Variants in LINGO2 observed in about 807,000 individuals in gnomAD.
The protein encoded by LINGO2 is leucine-rich repeat and immunoglobulin-like domain-containing nogo receptor-interacting protein 2.
A neutral mutation model predicts 30.6 loss-of-function variants in LINGO2; 14 were observed. That is an observed-to-expected ratio of 0.46 (90% CI 0.30 to 0.72). The LOEUF (loss-of-function observed/expected upper bound fraction) is 0.72. Ranked by LOEUF, LINGO2 falls within the 30% of genes least tolerant of loss-of-function variation. The pLI is 0.07. For missense variants in LINGO2, 729 were observed against 751.7 expected (o/e 0.97, Z 0.35); for synonymous variants, 317 against 288.5 (o/e 1.10, Z -1.00).
chr9:27,986,273 C>T (rs1821119755), intron 5 of LINGO2, among the ~76,000 whole-genome samples: 1 of 151,190 alleles, frequency 6.6e-6, no homozygotes, highest in Non-Finnish European at 1.5e-5. Flanking sequence ...ACACACAGAG[C>T]AGTTAATCTT....
At chr9:28,663,828 A>T (rs1255207468) in intron 1 of LINGO2, among the ~76,000 whole-genome samples, 2 of 152,106 alleles carry the variant, frequency 1.3e-5, no homozygotes, top group African/African-American at 4.8e-5. Context: ...CTGCTGAAAA[A>T]ATGCATAAGG....
intron 4 of LINGO2, among the ~76,000 whole-genome samples, chr9:28,218,715 C>T (rs10124465): frequency 0.85 from 129,130 of 151,962 alleles, 55,201 homozygotes; most frequent in Non-Finnish European, 0.9. Flanking sequence ...TTTGTACAAT[C>T]TCACAGCCCA....
chr9:28,712,203 C>T, the LINGO2 span, among the ~76,000 whole-genome samples: 1 of 152,182 alleles, frequency 6.6e-6, no homozygotes, highest in Non-Finnish European at 1.5e-5. Flanking sequence ...TCAGTAGTGA[C>T]ACATTTATAT....
chr9:28,395,003 C>G (rs1821982507), intron 2 of LINGO2, among the ~76,000 whole-genome samples: 1 of 152,208 alleles, frequency 6.6e-6, no homozygotes, highest in African/African-American at 2.4e-5. Flanking sequence ...CTCTCACATT[C>G]ATTAGATTAC....
chr9:29,102,125 A>G, the LINGO2 span, among the ~76,000 whole-genome samples: 1 of 149,276 alleles, frequency 6.7e-6, no homozygotes, highest in Non-Finnish European at 1.5e-5. Flanking sequence ...TCTGTCGCCC[A>G]GGTTGGAGAG....
At chr9:28,706,632 C>G in the LINGO2 span, among the ~76,000 whole-genome samples, 1 of 151,992 alleles carries the variant, frequency 6.6e-6, no homozygotes, top group East Asian at 1.9e-4. Context: ...CATATTTTTC[C>G]CTGAAATAGG....
chr9:28,978,317 A>T, the LINGO2 span, among the ~76,000 whole-genome samples: 1 of 152,126 alleles, frequency 6.6e-6, no homozygotes, highest in Non-Finnish European at 1.5e-5. Context: ...AACTGTAACT[A>T]AAAATAGTGC....
the LINGO2 span, among the ~76,000 whole-genome samples, chr9:28,948,322 TAA>T: frequency 3.9e-5 from 6 of 152,090 alleles, no homozygotes; most frequent in Non-Finnish European, 7.4e-5. Context: ...ATAAAAACCA[TAA>T]TACAATAATG....
At chr9:29,183,591 T>C in the LINGO2 span, among the ~76,000 whole-genome samples, 1 of 152,190 alleles carries the variant, frequency 6.6e-6, no homozygotes, top group East Asian at 1.9e-4. Context: ...TTTTCTCGGG[T>C]TCATTCATTC....
the LINGO2 span, among the ~76,000 whole-genome samples, chr9:28,685,386 G>C: frequency 1.3e-5 from 2 of 152,126 alleles, no homozygotes; most frequent in Admixed American, 6.5e-5. Flanking sequence ...GTTGACAGCT[G>C]TATTTATTAG....
chr9:28,688,943 C>A, the LINGO2 span, among the ~76,000 whole-genome samples: 4 of 152,076 alleles, frequency 2.6e-5, no homozygotes, highest in Non-Finnish European at 4.4e-5. Flanking sequence ...GCATGGCAGC[C>A]CCCCGATCCT....
At chr9:28,370,740 C>T (rs1458485351) in intron 3 of LINGO2, among the ~76,000 whole-genome samples, 5 of 152,160 alleles carry the variant, frequency 3.3e-5, no homozygotes, top group Non-Finnish European at 7.3e-5. Flanking sequence ...ATCCTCCATA[C>T]CAACCACCAC....
intron 4 of LINGO2, among the ~76,000 whole-genome samples, chr9:28,208,535 C>T (rs762638256): frequency 4.7e-4 from 72 of 151,914 alleles, no homozygotes; most frequent in Non-Finnish European, 4.6e-4. Flanking sequence ...GGGAGATAGA[C>T]TCATAGTTAA....
intron 5 of LINGO2, among the ~76,000 whole-genome samples, chr9:27,998,356 G>T (rs1363962075): frequency 2.0e-5 from 3 of 152,144 alleles, no homozygotes; most frequent in Non-Finnish European, 2.9e-5. Flanking sequence ...GTCTAAACTA[G>T]CCATGGGAAG....
At chr9:29,022,466 C>A in the LINGO2 span, among the ~76,000 whole-genome samples, 1 of 152,176 alleles carries the variant, frequency 6.6e-6, no homozygotes, top group Non-Finnish European at 1.5e-5. Flanking sequence ...GTTTTTATTA[C>A]ATTTCCTCTG....
chr9:28,330,250 T>C (rs752643927), intron 3 of LINGO2, among the ~76,000 whole-genome samples: 2 of 152,178 alleles, frequency 1.3e-5, no homozygotes, highest in African/African-American at 4.8e-5. Flanking sequence ...AATCTTGAAT[T>C]CCTCAGCCTC....
chr9:28,140,742 A>ATGC (rs1827648752), intron 4 of LINGO2, among the ~76,000 whole-genome samples: 1 of 152,138 alleles, frequency 6.6e-6, no homozygotes, highest in South Asian at 2.1e-4. Context: ...AGCAAACCAT[A>ATGC]TGCTAATTAC....
intron 1 of LINGO2, among the ~76,000 whole-genome samples, chr9:28,617,441 G>A (rs1176995565): frequency 2.6e-5 from 4 of 151,642 alleles, no homozygotes; most frequent in Admixed American, 1.3e-4. Context: ...GACTACAGGC[G>A]CCCACCACCA....
intron 4 of LINGO2, among the ~76,000 whole-genome samples, chr9:28,065,648 A>G (rs2133147613): frequency 6.6e-6 from 1 of 152,286 alleles, no homozygotes; most frequent in Non-Finnish European, 1.5e-5. Context: ...CTCCTCCATG[A>G]AGCCTCAGAT....
Sources: gnomAD v4.1 joint callset for allele counts (sites outside exome capture counted in the v4.1 genomes callset) on GRCh38, gnomAD v4.1.1 for gene constraint, MANE v1.5 for transcripts, NCBI Gene and HGNC (gene_info 2026-07-23, HGNC 2026-07-21) for gene names.